Variants in NFIC observed in about 807,000 individuals in gnomAD.
The protein encoded by NFIC is nuclear factor I C.
Under a neutral mutation model 54.4 loss-of-function variants are expected in NFIC, and 12 were observed. That is an observed-to-expected ratio of 0.22 (90% confidence interval 0.14 to 0.36). NFIC has a LOEUF of 0.36. Ranked by LOEUF, NFIC falls within the 10% of genes least tolerant of loss-of-function variation. The pLI is 1.00. For missense variants in NFIC, 575 were observed against 718.2 expected (o/e 0.80, Z 2.28); for synonymous variants, 322 against 319.2 (o/e 1.01, Z -0.09).
intron 2 of NFIC, among the ~76,000 whole-genome samples, chr19:3,388,319 AT>A (rs1040969284): frequency 1.3e-5 from 2 of 152,080 alleles, no homozygotes; most frequent in African/African-American, 4.8e-5. Flanking sequence ...GCAAACACAC[AT>A]GGCGTGCCCT....
Position 3,435,089 on chromosome 19 carries a change from G to C in NFIC, c.840G>C (p.Lys280Asn), listed in dbSNP as rs762693276. 1.3e-5 allele frequency: 21 copies of C among 1,598,880 alleles called. No individual in the cohort carries two copies. The highest frequency in any genetic ancestry group is 1.5e-5 in the Non-Finnish European group (18 of 1,170,906). The part of the protein sequence containing the change: ...TLPSTSSSGS[K>N]RHKSGSMEED... ...CCCTTCCCTCGCCCATAAGGAGCAAGCGGCACAAATCGGGCTCGATGGAGG... is the reference window on the plus strand; with the variant it reads ...CCCTTCCCTCGCCCATAAGGAGCAACCGGCACAAATCGGGCTCGATGGAGG... The change falls in exon 6 of 11, where the codon AAG (lysine) becomes AAC (asparagine). Residue 280 changes from lysine (K) to asparagine (N), a missense_variant. Coordinates refer to ENST00000443272, the MANE Select transcript of NFIC (RefSeq NM_001245002.2).
At chr19:3,382,535 A>G (rs997393869) in intron 2 of NFIC, among the ~76,000 whole-genome samples, 54 of 151,554 alleles carry the variant, frequency 3.6e-4, no homozygotes, top group Non-Finnish European at 6.8e-4. Flanking sequence ...AGAGGAGGCC[A>G]GTGCATATAG....
chr19:3,373,955 G>A (rs1198569620), intron 1 of NFIC, among the ~76,000 whole-genome samples: 1 of 152,204 alleles, frequency 6.6e-6, no homozygotes, highest in African/African-American at 2.4e-5. Context: ...AGAGCCTGAC[G>A]CTGGTGCCGG....
rs1599697815 is a variant in NFIC, at chr19:3,441,421, G to T, written c.958+6214G>T. 3.9e-5 allele frequency among the ~76,000 whole-genome samples: 6 copies of T among 152,310 alleles called. No individual in the cohort carries two copies. The South Asian group carries it at 1.2e-3, about 32-fold the overall frequency. On this transcript the variant is annotated intron_variant, in intron 6 of 10. Transcript: ENST00000443272. ...GCCCCTGGCCATCAGTTGACAAGTGGGGAAACTGAGGCCCAAAGGTCCCAC... is the reference window on the plus strand; with the variant it reads ...GCCCCTGGCCATCAGTTGACAAGTGTGGAAACTGAGGCCCAAAGGTCCCAC...
intron 1 of NFIC, among the ~76,000 whole-genome samples, chr19:3,381,263 T>C (rs1198232914): frequency 6.6e-6 from 1 of 151,812 alleles, no homozygotes; most frequent in Non-Finnish European, 1.5e-5. Flanking sequence ...GGCGTGGTGG[T>C]GGGCATCTGT....
intron 6 of NFIC, among the ~76,000 whole-genome samples, chr19:3,442,628 C>T (rs554677721): frequency 6.6e-6 from 1 of 152,212 alleles, no homozygotes; most frequent in East Asian, 1.9e-4. Context: ...CTCAAGTGAT[C>T]CGCCCGCCTC....
intron 2 of NFIC, among the ~76,000 whole-genome samples, chr19:3,391,105 C>T (rs2081370348): frequency 6.6e-6 from 1 of 151,912 alleles, no homozygotes; most frequent in South Asian, 2.1e-4. Flanking sequence ...TAAAAATTAT[C>T]TGGGTGTGGT....
At chr19:3,364,507 GCTGCTGTTCGTACACT>G, upstream of NFIC, among the ~76,000 whole-genome samples, 1 of 152,186 alleles carries the variant, frequency 6.6e-6, no homozygotes, top group Non-Finnish European at 1.5e-5. Flanking sequence ...TGGGATATAG[GCTGCTGTTCGTACACT>G]TGCAGAAGTT....
chr19:3,398,520 G>A (rs1468397479), intron 2 of NFIC, among the ~76,000 whole-genome samples: 2 of 152,138 alleles, frequency 1.3e-5, no homozygotes, highest in Non-Finnish European at 2.9e-5. Flanking sequence ...AACGGGAACA[G>A]CCCCATCCTT....
In NFIC at chr19:3,370,836, C is replaced by A. The variant is rs2080994760; in HGVS notation, c.30+4170C>A. On this transcript the variant is annotated intron_variant, in intron 1 of 10. Transcript: ENST00000443272. The surrounding 1 kb of genome is among the most constrained non-coding windows in gnomAD (Gnocchi z 5.2). Reference sequence around the variant, plus strand: ...CCTGGGCCTCCTGCCCCGGACACGGCCCGCCCCCCACTCTCCTGCCTGTGT... The same window carrying A: ...CCTGGGCCTCCTGCCCCGGACACGGACCGCCCCCCACTCTCCTGCCTGTGT... Among the ~76,000 whole-genome samples, 1 of 152,172 alleles carries A rather than the reference C, an allele frequency of 6.6e-6. No homozygotes were observed. The highest frequency in any genetic ancestry group is 2.4e-5 in the African/African-American group (1 of 41,428).
intron 4 of NFIC, 67 bp downstream of exon 4, chr19:3,433,659 C>T (rs938935912): frequency 1.6e-5 from 25 of 1,523,982 alleles, no homozygotes; most frequent in African/African-American, 1.1e-4. Context: ...AGGAAGGAGC[C>T]CACCCCCCTC....
Position 3,366,603 on chromosome 19 carries a change from T to TCCGG in NFIC, c.-27_-24dup, listed in dbSNP as rs2080889816. The TCCGG allele has an allele frequency of 7.0e-7, 1 of 1,435,388 alleles. No individual in the cohort carries two copies. Among genetic ancestry groups the TCCGG allele is most frequent in the Non-Finnish European group, 9.3e-7 (1 of 1,076,488 alleles). The allele number at this position is 1,435,388 out of a possible 1,614,324, so 88.9% of individuals were successfully genotyped here. ...GACTCAGTAAGTTCAGCGCGCCCGC[T>TCCGG]CCGGCCGGCCCTGCGCCTCCCGCCG... On this transcript the variant is annotated 5_prime_UTR_variant, in exon 1 of 11. Transcript: ENST00000443272.
At chr19:3,361,863 C>T (rs942198383), upstream of NFIC, among the ~76,000 whole-genome samples, 5 of 152,078 alleles carry the variant, frequency 3.3e-5, no homozygotes, top group African/African-American at 4.8e-5. Context: ...CACACACACA[C>T]GACACTCCCT....
intron 2 of NFIC, among the ~76,000 whole-genome samples, chr19:3,402,889 G>A (rs1244280379): frequency 2.0e-5 from 3 of 152,268 alleles, no homozygotes; most frequent in African/African-American, 4.8e-5. Context: ...GGGGAGAGAG[G>A]GAAGAGGGGA....
At chr19:3,412,818 G>C (rs1221621020) in intron 2 of NFIC, among the ~76,000 whole-genome samples, 1 of 152,216 alleles carries the variant, frequency 6.6e-6, no homozygotes, top group Non-Finnish European at 1.5e-5. Context: ...TCCCACCTCA[G>C]TGGCCCCAGG....
At chr19:3,435,241 C>A in intron 6 of NFIC, 34 bp downstream of exon 6, 2 of 1,532,368 alleles carry the variant, frequency 1.3e-6, no homozygotes, top group Non-Finnish European at 1.8e-6. Context: ...GCCGGCCTTC[C>A]GGTCTGAGTC....
At chr19:3,360,355 C>T (rs1228908838) in intron 1 of NFIC, among the ~76,000 whole-genome samples, 1 of 150,110 alleles carries the variant, frequency 6.7e-6, no homozygotes, top group Non-Finnish European at 1.5e-5. Flanking sequence ...GCCCCGCTGC[C>T]GCGCGCGCGG....
rs748180077 is a variant in NFIC at position 3,366,606 on chromosome 19, G to A, written c.-31G>A. 4.8e-6 allele frequency: 7 copies of A among 1,467,692 alleles called. No individual in the cohort carries two copies. Among genetic ancestry groups the A allele is most frequent in the Admixed American group, 2.5e-5 (1 of 39,418 alleles). The allele number at this position is 1,467,692 out of a possible 1,614,324, so 90.9% of individuals were successfully genotyped here. The stretch of plus-strand genomic sequence containing the variant: ...TCAGTAAGTTCAGCGCGCCCGCTCC[G>A]GCCGGCCCTGCGCCTCCCGCCGCGC... On this transcript the variant is annotated 5_prime_UTR_variant, in exon 1 of 11. Coordinates refer to ENST00000443272, the MANE Select transcript of NFIC (RefSeq NM_001245002.2).
At chr19:3,420,572 T>TAAATAA (rs2081938649) in intron 2 of NFIC, among the ~76,000 whole-genome samples, 1 of 151,026 alleles carries the variant, frequency 6.6e-6, no homozygotes, top group Non-Finnish European at 1.5e-5. Context: ...AATAAATAAA[T>TAAATAA]AAATAAATAA....
Sources: allele counts gnomAD v4.1 joint callset (sites outside exome capture counted in the v4.1 genomes callset), GRCh38; gene constraint gnomAD v4.1.1; non-coding constraint Gnocchi (gnomAD v3.1); transcripts MANE v1.5; gene names NCBI Gene and HGNC (gene_info 2026-07-23, HGNC 2026-07-21).